AKT3: variants seen among roughly 807,000 people sequenced by gnomAD.
The protein encoded by AKT3 is AKT serine/threonine kinase 3, also known as RAC-gamma serine/threonine-protein kinase.
AKT3 carries 15 observed loss-of-function variants against 65.3 expected under a neutral mutation model. The ratio of observed to expected loss-of-function variants is 0.23; its 90% CI spans 0.15 to 0.35. The LOEUF (loss-of-function observed/expected upper bound fraction) is 0.35. AKT3 is among the 10% of genes least tolerant of loss of function. The probability of loss-of-function intolerance (pLI) is 1.00; values close to 1 mark genes in which losing one functional copy is unlikely to be tolerated. For synonymous variants in AKT3, 206 were observed against 183.8 expected, an observed-to-expected ratio of 1.12 and a Z score of -0.98; for missense variants, 243 against 576.5, an observed-to-expected ratio of 0.42 and a Z score of 5.92.
intron 3 of AKT3, among the ~76,000 whole-genome samples, chr1:243,694,740 T>C (rs1311999500): frequency 6.6e-6 from 1 of 151,992 alleles, no homozygotes; most frequent in East Asian, 1.9e-4. Flanking sequence ...ACTTATTTTC[T>C]TGAATTTTTT....
chr1:243,773,645 A>C (rs1332222616), intron 2 of AKT3, among the ~76,000 whole-genome samples: 2 of 152,164 alleles, frequency 1.3e-5, no homozygotes, highest in African/African-American at 4.8e-5. Flanking sequence ...AAAAAGTTTT[A>C]TAAAATGAGA....
intron 10 of AKT3, among the ~76,000 whole-genome samples, chr1:243,562,742 C>A (rs1020908261): frequency 1.3e-5 from 2 of 152,114 alleles, no homozygotes; most frequent in Non-Finnish European, 2.9e-5. Context: ...AACTGTCGGA[C>A]ATGTGAGTGA....
intron 2 of AKT3, among the ~76,000 whole-genome samples, chr1:243,824,626 C>T (rs1175137800): frequency 1.3e-5 from 2 of 151,852 alleles, no homozygotes; most frequent in African/African-American, 2.4e-5. Flanking sequence ...AGAAGGCATA[C>T]ATGCAGCCAA....
At chr1:243,760,282 C>CT (rs58733457) in intron 2 of AKT3, among the ~76,000 whole-genome samples, 3,494 of 80,596 alleles carry the variant, frequency 0.043, 490 homozygotes, top group African/African-American at 0.15. Context: ...CTATATCTGG[C>CT]TTTTTTTTTT....
intron 9 of AKT3, among the ~76,000 whole-genome samples, chr1:243,565,342 G>C (rs1236539134): frequency 6.6e-6 from 1 of 152,174 alleles, no homozygotes; most frequent in Non-Finnish European, 1.5e-5. Flanking sequence ...AGCCACCTCA[G>C]CCTCCTGAAT....
chr1:243,621,187 C>T (rs553035972), intron 6 of AKT3, among the ~76,000 whole-genome samples: 1 of 152,308 alleles, frequency 6.6e-6, no homozygotes, highest in East Asian at 1.9e-4. Flanking sequence ...GAACCCAGGT[C>T]TGTGCTGACT....
chr1:243,542,484 A>T (rs1189941580), intron 12 of AKT3, among the ~76,000 whole-genome samples: 2 of 152,188 alleles, frequency 1.3e-5, no homozygotes, highest in African/African-American at 4.8e-5. Context: ...TAGATGTGCC[A>T]TCACCTCTCG....
chr1:243,677,804 A>C (rs1453430472), intron 3 of AKT3, among the ~76,000 whole-genome samples: 1 of 152,100 alleles, frequency 6.6e-6, no homozygotes, highest in Non-Finnish European at 1.5e-5. Context: ...TCAACTATAG[A>C]GGGTAGGTGC....
At chr1:243,642,482 T>A (rs1370290025) in intron 5 of AKT3, among the ~76,000 whole-genome samples, 1 of 152,140 alleles carries the variant, frequency 6.6e-6, no homozygotes, top group African/African-American at 2.4e-5. Flanking sequence ...GTTAATTTTT[T>A]GTATTTTTAG....
chr1:243,843,654 TTG>T, intron 1 of AKT3: 1 of 890,322 alleles, frequency 1.1e-6, no homozygotes, highest in Non-Finnish European at 1.3e-6. Flanking sequence ...TGTAAATTTT[TTG>T]TTTTTTTTTT....
At chr1:243,676,985 A>G (rs1683569047) in intron 3 of AKT3, among the ~76,000 whole-genome samples, 1 of 152,214 alleles carries the variant, frequency 6.6e-6, no homozygotes, top group Non-Finnish European at 1.5e-5. Context: ...TCTGCAGGAC[A>G]ATGTTCAAAT....
intron 9 of AKT3, among the ~76,000 whole-genome samples, chr1:243,569,051 T>TA: frequency 6.6e-6 from 1 of 152,316 alleles, no homozygotes; most frequent in East Asian, 1.9e-4. Context: ...TACTCACTCT[T>TA]ACACCACATT....
chr1:243,613,007 C>T (rs996325526), intron 8 of AKT3: 3 of 143,782 alleles, frequency 2.1e-5, no homozygotes, highest in African/African-American at 7.8e-5. Flanking sequence ...CTGCTGCACT[C>T]CAGCCTGACG....
At chr1:243,533,794 T>C (rs1047574730) in intron 12 of AKT3, among the ~76,000 whole-genome samples, 81 of 151,910 alleles carry the variant, frequency 5.3e-4, no homozygotes, top group African/African-American at 1.9e-3. Flanking sequence ...ATCGAGACCA[T>C]CCTGGCTAAT....
intron 8 of AKT3, among the ~76,000 whole-genome samples, chr1:243,574,234 A>G (rs1674775161): frequency 6.6e-6 from 1 of 152,018 alleles, no homozygotes; most frequent in Non-Finnish European, 1.5e-5. Flanking sequence ...TTCCCTATAA[A>G]TTCATTCTTC....
At chr1:243,697,630 G>A (rs1685142070) in intron 2 of AKT3, among the ~76,000 whole-genome samples, 1 of 151,920 alleles carries the variant, frequency 6.6e-6, no homozygotes, top group African/African-American at 2.4e-5. Flanking sequence ...AGAAAACCCT[G>A]GCTTATCGTG....
chr1:243,600,287 T>G (rs1437795898), intron 8 of AKT3, among the ~76,000 whole-genome samples: 1 of 152,128 alleles, frequency 6.6e-6, no homozygotes, highest in Non-Finnish European at 1.5e-5. Flanking sequence ...GAGGCTTTTA[T>G]GTAGAATTCA....
intron 1 of AKT3, among the ~76,000 whole-genome samples, chr1:243,844,680 T>C (rs562689243): frequency 2.6e-4 from 40 of 152,140 alleles, no homozygotes; most frequent in Non-Finnish European, 5.3e-4. Context: ...GGTCCCGCTA[T>C]ATTGTCCACG....
At chr1:243,550,927 C>A (rs1202629785) in intron 11 of AKT3, among the ~76,000 whole-genome samples, 1 of 135,700 alleles carries the variant, frequency 7.4e-6, no homozygotes, top group Non-Finnish European at 1.5e-5. Flanking sequence ...CCACTGCACT[C>A]CAGCCCAGAC....
Sources: gnomAD v4.1 joint callset for allele counts (sites outside exome capture counted in the v4.1 genomes callset) on GRCh38, gnomAD v4.1.1 for gene constraint, MANE v1.5 for transcripts, NCBI Gene and HGNC (gene_info 2026-07-23, HGNC 2026-07-21) for gene names.